GSTA4: variants seen among roughly 807,000 people sequenced by gnomAD.
The protein encoded by GSTA4 is glutathione S-transferase A4.
A neutral mutation model predicts 24.4 loss-of-function variants in GSTA4; 15 were observed. That is an observed-to-expected ratio of 0.61 (90% CI 0.41 to 0.95). The LOEUF is 0.95. GSTA4 is among the 40% of genes least tolerant of loss of function. The pLI is 0.00. For missense variants in GSTA4, 244 were observed against 262.1 expected (o/e 0.93, Z 0.48); for synonymous variants, 92 against 94.2 (o/e 0.98, Z 0.13).
chr6:52,990,524 C>G lies in GSTA4; in HGVS notation c.88-3116G>C, dbSNP rs959917927. ...GGGCTCATTACTCTACCTGATCAGC[C>G]TGTTCCTGTGATTGGACTGGGGTAG... On this transcript the variant is annotated intron_variant, in intron 2 of 6. Coordinates refer to ENST00000370963, the MANE Select transcript of GSTA4 (RefSeq NM_001512.4). 5.9e-4 allele frequency among the ~76,000 whole-genome samples: 90 copies of G among 152,308 alleles called. 1 individual carries two copies. The highest frequency in any genetic ancestry group is 2.0e-3 in the African/African-American group (82 of 41,562).
chr6:52,983,823 T>A (rs1302960941), intron 5 of GSTA4, among the ~76,000 whole-genome samples: 2 of 152,082 alleles, frequency 1.3e-5, no homozygotes, highest in Non-Finnish European at 2.9e-5. Flanking sequence ...AGAAAATACC[T>A]CTCCTTTTTC....
At chr6:52,991,818 G>T (rs1215217851) in intron 2 of GSTA4, among the ~76,000 whole-genome samples, 1 of 150,612 alleles carries the variant, frequency 6.6e-6, no homozygotes, top group African/African-American at 2.5e-5. Flanking sequence ...AATGCAGTGG[G>T]GCAATCTCGG....
At chr6:52,992,023 G>A (rs1308436194) in intron 2 of GSTA4, among the ~76,000 whole-genome samples, 4 of 152,012 alleles carry the variant, frequency 2.6e-5, no homozygotes, top group Non-Finnish European at 5.9e-5. Context: ...CCAAAGTACT[G>A]GGATTACAGG....
rs1763382418 is a variant in GSTA4, at chr6:52,978,253, C to T, written c.*217G>A. 6.0e-6 allele frequency: 3 copies of T among 501,892 alleles called. No homozygotes were observed. The highest frequency in any genetic ancestry group is 2.0e-5 in the African/African-American group (1 of 49,664). The allele number at this position is 501,892 out of a possible 1,614,324, so 31.1% of individuals were successfully genotyped here. ...GATCTAACTTAAATACCAGCCTCTCCAAAAAAGTTTTCCAATAAAGATCCC... is the reference window on the plus strand; with the variant it reads ...GATCTAACTTAAATACCAGCCTCTCTAAAAAAGTTTTCCAATAAAGATCCC... On this transcript the variant is annotated 3_prime_UTR_variant, in exon 7 of 7. Transcript: ENST00000370963.
intron 6 of GSTA4, among the ~76,000 whole-genome samples, chr6:52,979,703 C>T (rs1763413356): frequency 6.6e-6 from 1 of 152,028 alleles, no homozygotes. Flanking sequence ...TATTAATTGC[C>T]TATTATGTGC....
At chr6:52,984,650 G>C in intron 4 of GSTA4, 45 bp from the exon 5 acceptor site, 1 of 1,495,424 alleles carries the variant, frequency 6.7e-7, no homozygotes, top group Non-Finnish European at 9.1e-7. Context: ...TCTCTTTGAA[G>C]CCATCAGTTT....
intron 2 of GSTA4, 101 bp downstream of exon 2, chr6:52,994,056 T>C (rs1278317757): frequency 1.2e-6 from 1 of 824,260 alleles, no homozygotes. Context: ...GTGATTTTGG[T>C]GGACGAGAAC....
Position 52,978,442 on chromosome 6 carries a change from A to G in GSTA4, c.*28T>C, listed in dbSNP as rs768235216. 176 of 1,609,426 alleles carry G rather than the reference A, an allele frequency of 1.1e-4. No homozygotes were observed. The highest frequency in any genetic ancestry group is 1.4e-4 in the Non-Finnish European group (170 of 1,176,580). On this transcript the variant is annotated 3_prime_UTR_variant, in exon 7 of 7. Transcript: ENST00000370963. Reference sequence around the variant, plus strand: ...TAGACAATACCATCTCTAGGAACACACTGTCACTCACACATGGATGTGTTG... The same window carrying G: ...TAGACAATACCATCTCTAGGAACACGCTGTCACTCACACATGGATGTGTTG...
intron 2 of GSTA4, among the ~76,000 whole-genome samples, chr6:52,991,118 G>A (rs1241526996): frequency 2.0e-5 from 3 of 152,158 alleles, no homozygotes; most frequent in Non-Finnish European, 2.9e-5. Flanking sequence ...GGTTGCTAGG[G>A]CAACAACGCA....
intron 2 of GSTA4, among the ~76,000 whole-genome samples, chr6:52,988,831 G>T (rs1763610728): frequency 6.6e-6 from 1 of 152,162 alleles, no homozygotes; most frequent in Non-Finnish European, 1.5e-5. Context: ...GGTGACAATG[G>T]TATTGTGGTT....
intron 4 of GSTA4, among the ~76,000 whole-genome samples, chr6:52,984,979 T>C (rs1763525794): frequency 6.6e-6 from 1 of 152,224 alleles, no homozygotes. Flanking sequence ...AAACACTCTC[T>C]ATCCATTATC....
intron 2 of GSTA4, among the ~76,000 whole-genome samples, chr6:52,991,844 G>A (rs916598533): frequency 1.5e-5 from 2 of 137,752 alleles, no homozygotes; most frequent in Admixed American, 1.6e-4. Context: ...TGCAACCCCC[G>A]CCTCCCAGTT....
At chr6:52,980,097 C>T (rs1320610028) in intron 6 of GSTA4, among the ~76,000 whole-genome samples, 1 of 152,036 alleles carries the variant, frequency 6.6e-6, no homozygotes, top group African/African-American at 2.4e-5. Flanking sequence ...ATGCTTGGGG[C>T]TTAAAAAAGG....
At chr6:52,994,464 T>A in intron 1 of GSTA4, 1 of 523,580 alleles carries the variant, frequency 1.9e-6, no homozygotes, top group African/African-American at 1.9e-5. Flanking sequence ...TTATATGATT[T>A]CTATTTATGA....
rs762369332 is a variant in GSTA4, at chr6:52,994,211, G to A, written c.33C>T (p.Asn11=). The change falls in exon 2 of 7, where the codon AAC becomes AAT. Residue 11 remains asparagine, a synonymous_variant. Transcript: ENST00000370963. ...TCACGGACTCCATCCGGCCTCTTCC[G>A]TTGGGATAGTGGAGCTTGGGCCTTG... MAARPKLHYP[N]GRGRMESVRW... The A allele has an allele frequency of 1.1e-5, 18 of 1,613,354 alleles. No homozygotes were observed. Among genetic ancestry groups the A allele is most frequent in the Middle Eastern group, 1.6e-4 (1 of 6,078 alleles).
chr6:52,994,451 C>G, intron 1 of GSTA4, 190 bp from the exon 2 acceptor site: 1 of 539,168 alleles, frequency 1.9e-6, no homozygotes, highest in African/African-American at 1.9e-5. Context: ...AAAACCTTGG[C>G]TTTTATATGA....
intron 5 of GSTA4, among the ~76,000 whole-genome samples, chr6:52,983,857 G>A (rs1253558006): frequency 6.6e-6 from 1 of 152,182 alleles, no homozygotes; most frequent in Non-Finnish European, 1.5e-5. Context: ...CATAAAGATG[G>A]TCAGAGGAAG....
intron 2 of GSTA4, among the ~76,000 whole-genome samples, chr6:52,992,585 C>A (rs1327345966): frequency 6.6e-6 from 1 of 152,226 alleles, no homozygotes; most frequent in Non-Finnish European, 1.5e-5. Flanking sequence ...ACATACTTCA[C>A]CTCTGTGGCA....
At chr6:52,981,837 C>G (rs1003520592) in intron 6 of GSTA4, among the ~76,000 whole-genome samples, 3 of 152,044 alleles carry the variant, frequency 2.0e-5, no homozygotes, top group Non-Finnish European at 4.4e-5. Flanking sequence ...TTTTTAAAGG[C>G]CCTTCTCTCC....
Sources: gnomAD v4.1 joint callset for allele counts (sites outside exome capture counted in the v4.1 genomes callset) on GRCh38, gnomAD v4.1.1 for gene constraint, MANE v1.5 for transcripts, NCBI Gene and HGNC (gene_info 2026-07-23, HGNC 2026-07-21) for gene names.